Variants in SPTBN5 observed in about 807,000 individuals in gnomAD.
The protein encoded by SPTBN5 is spectrin beta, non-erythrocytic 5.
A neutral mutation model predicts 477.6 loss-of-function variants in SPTBN5; 513 were observed. The observed-to-expected ratio is 1.07, with a 90% confidence interval of 1.00 to 1.16. SPTBN5 has a LOEUF of 1.16. SPTBN5 is among the 50% of genes most tolerant of loss of function. SPTBN5 has a pLI of 0.00. For missense variants in SPTBN5, 5,062 were observed against 4,731.8 expected, an observed-to-expected ratio of 1.07 and a Z score of -2.05; for synonymous variants, 2,169 against 2,011.7, an observed-to-expected ratio of 1.08 and a Z score of -2.09.
At chr15:41,877,422 C>G (rs1249284725) in intron 17 of SPTBN5, 66 bp from the exon 18 acceptor site, 1 of 1,551,172 alleles carries the variant, frequency 6.4e-7, no homozygotes, top group African/African-American at 1.4e-5. Flanking sequence ...CTTCTCCTCT[C>G]ACCTCCAGGG....
At chr15:41,867,205 C>T in intron 35 of SPTBN5, 79 bp from the exon 36 acceptor site, 1 of 1,423,764 alleles carries the variant, frequency 7.0e-7, no homozygotes, top group East Asian at 2.5e-5. Context: ...ACAGTCCTTT[C>T]TTTGAGGGCC....
rs778638478 is a variant in SPTBN5, at chr15:41,867,585, G to A, written c.6265C>T (p.Arg2089Cys). ...SSVEEVEQLIRKHEVFLKVLT... is the reference protein window; with the variant it reads ...SSVEEVEQLICKHEVFLKVLT... ...ACCTTCAGGAAGACCTCGTGCTTGC[G>A]AATCAACTGCTCTACCTCTTCCACC... The change falls in exon 35 of 68, where the codon CGC becomes TGC. Residue 2089 changes from arginine to cysteine, a missense_variant. Physicochemically the swap from Arg to Cys is radical, Grantham distance 180 (BLOSUM62 -3). Coordinates refer to ENST00000320955, the MANE Select transcript of SPTBN5 (RefSeq NM_016642.4). 6.2e-6 allele frequency: 10 copies of A among 1,613,672 alleles called. No individual in the cohort carries two copies. The highest frequency in any genetic ancestry group is 1.6e-4 in the Middle Eastern group (1 of 6,084).
chr15:41,878,669 T>A, intron 16 of SPTBN5, 40 bp from the exon 17 acceptor site: 2 of 1,573,218 alleles, frequency 1.3e-6, no homozygotes, highest in Non-Finnish European at 1.7e-6. Context: ...TGCCCTGTCC[T>A]GGGCCTGGTG....
chr15:41,882,769 T>C (rs1472813134), intron 9 of SPTBN5, 31 bp from the exon 10 acceptor site: 1 of 1,597,252 alleles, frequency 6.3e-7, no homozygotes. Context: ...CCGAAGGACA[T>C]GGGGAGTCGT....
At chr15:41,849,416 G>A (rs185755983) in intron 67 of SPTBN5, among the ~76,000 whole-genome samples, 98 of 152,322 alleles carry the variant, frequency 6.4e-4, no homozygotes, top group African/African-American at 1.9e-3. Context: ...GGTAGAGAAC[G>A]GGTTGGAACA....
chr15:41,891,711 G>C (rs2067318950), intron 3 of SPTBN5, among the ~76,000 whole-genome samples: 1 of 152,188 alleles, frequency 6.6e-6, no homozygotes, highest in South Asian at 2.1e-4. Flanking sequence ...TCTGGGCTTT[G>C]CTTAGTGGAG....
intron 36 of SPTBN5, 52 bp downstream of exon 36, chr15:41,866,901 CTGAAAA>C: frequency 6.7e-7 from 1 of 1,498,810 alleles, no homozygotes; most frequent in Non-Finnish European, 8.9e-7. Context: ...GTGAAGGCGG[CTGAAAA>C]CTGTCGAGTG....
chr15:41,867,726 G>T, intron 34 of SPTBN5, 84 bp from the exon 35 acceptor site: 1 of 1,262,824 alleles, frequency 7.9e-7, no homozygotes, highest in Non-Finnish European at 1.1e-6. Context: ...TGGGCACTCT[G>T]GGTATGGCAG....
rs150882580 is a variant in SPTBN5, at chr15:41,887,541, C to T, written c.660-100G>A. On this transcript the variant is annotated intron_variant, in intron 5 of 67. Coordinates refer to ENST00000320955, the MANE Select transcript of SPTBN5 (RefSeq NM_016642.4). The stretch of plus-strand genomic sequence containing the variant: ...TCATGCTCCTATTGGCCATTCACAT[C>T]TTCTTGTGAATTCGTTTTCCCGACA... The T allele has an allele frequency of 9.2e-4, 873 of 944,896 alleles. 5 individuals are homozygous for T. In the African/African-American group the frequency reaches 0.013, roughly 14 times the overall value. 58.5% of individuals were successfully genotyped at this position (944,896 alleles called of 1,614,324 possible). A position where few individuals can be genotyped will look rare whatever the true frequency, so the allele number is the denominator to read the frequency against.
At position 41,867,012 on chromosome 15, in the gene SPTBN5, G is replaced by C. The variant is rs1191490665; in HGVS notation, c.6427C>G (p.His2143Asp). The C allele has an allele frequency of 3.2e-6, 5 of 1,561,960 alleles. No homozygotes were observed. The highest frequency in any genetic ancestry group is 4.3e-6 in the Non-Finnish European group (5 of 1,153,662). Residue 2143 changes from histidine (H) to aspartate (D), a missense_variant, in exon 36 of 68, where the codon CAC (histidine) becomes GAC (aspartate). By Grantham distance (81) the His-to-Asp change is moderately conservative (BLOSUM62 -1). Transcript: ENST00000320955. ...RVKELAESRG[H>D]ALHASLLMAS... ...ATCAGCAGGGAGGCATGCAGGGCGTGTCCCCGGCTCTCCGCCAGCTCCTTC... is the reference window on the plus strand; with the variant it reads ...ATCAGCAGGGAGGCATGCAGGGCGTCTCCCCGGCTCTCCGCCAGCTCCTTC...
chr15:41,888,202 G>T, intron 4 of SPTBN5, 117 bp from the exon 5 acceptor site: 2 of 1,050,936 alleles, frequency 1.9e-6, no homozygotes, highest in East Asian at 5.2e-5. Context: ...CCTGGCCCGG[G>T]GCCAGTGTGA....
Position 41,869,956 on chromosome 15 carries a change from G to T in SPTBN5, c.5738C>A (p.Ala1913Glu), listed in dbSNP as rs766304996. 6 of 1,547,284 alleles carry T rather than the reference G, an allele frequency of 3.9e-6. No homozygotes were observed. In the East Asian group the frequency reaches 9.5e-5, roughly 25 times the overall value. ...QKLCPGPQAH[A>E]VQQRQQAVTQ... is the part of the protein sequence containing the mutation. ...CACAGCTTGCTGCCTCTGCTGCACC[G>T]CATGGGCCTGAGGCCCCGGACACAG... Residue 1913 changes from alanine (A) to glutamate (E), a missense_variant, in exon 32 of 68, where the codon GCG becomes GAG. Transcript: ENST00000320955.
intron 66 of SPTBN5, 117 bp from the exon 67 acceptor site, chr15:41,850,076 A>G: frequency 1.2e-6 from 1 of 867,326 alleles, no homozygotes; most frequent in Non-Finnish European, 1.9e-6. Flanking sequence ...CAGCCTGGCT[A>G]TGCCAGGCCC....
In SPTBN5 at chr15:41,865,699, C is replaced by T. The variant is rs1595466404; in HGVS notation, c.6918+109G>A. On this transcript the variant is annotated intron_variant, in intron 39 of 67. Coordinates refer to ENST00000320955, the MANE Select transcript of SPTBN5 (RefSeq NM_016642.4). ...AGCCTGCCCGAGGGCATAGGAGGAG[C>T]AGGCATGGCGCCCACGCCCTGCTCT... 3.0e-6 allele frequency: 3 copies of T among 997,906 alleles called. No individual in the cohort carries two copies. In the South Asian group the frequency reaches 4.8e-5, roughly 16 times the overall value. 61.8% of individuals were successfully genotyped at this position (997,906 alleles called of 1,614,324 possible). A position where few individuals can be genotyped will look rare whatever the true frequency, so the allele number is the denominator to read the frequency against.
At position 41,851,774 on chromosome 15, in the gene SPTBN5, C is replaced by G. The variant is rs749170820; in HGVS notation, c.10656+5G>C. On this transcript the variant is annotated splice_donor_5th_base_variant and intron_variant, in intron 63 of 67. Transcript: ENST00000320955. ...TGCCTGGAGAAGGAATCTCCAGGCACTCACCTGCCTCCCGCCAGGCAGCAG... is the reference window on the plus strand; with the variant it reads ...TGCCTGGAGAAGGAATCTCCAGGCAGTCACCTGCCTCCCGCCAGGCAGCAG... The G allele has an allele frequency of 6.2e-7, 1 of 1,606,746 alleles. No homozygotes were observed. Among genetic ancestry groups the G allele is most frequent in the South Asian group, 1.1e-5 (1 of 90,802 alleles).
chr15:41,875,969 A>T, intron 21 of SPTBN5, 145 bp downstream of exon 21: 1 of 1,022,696 alleles, frequency 9.8e-7, no homozygotes, highest in Non-Finnish European at 1.4e-6. Flanking sequence ...TGCCAGCAGC[A>T]TCAAGGAGGC....
chr15:41,877,301 A>C lies in SPTBN5; in HGVS notation c.3526T>G (p.Ser1176Ala), dbSNP rs758381626. Reference protein sequence around the residue: ...QPMAALDCPDSQEVPNTLRVL... With the variant: ...QPMAALDCPDAQEVPNTLRVL... Reference sequence around the variant, plus strand: ...CTCAGAGTGTTGGGCACCTCTTGGGAGTCTGGGCAGTCCAAGGCTGCCATG... The same window carrying C: ...CTCAGAGTGTTGGGCACCTCTTGGGCGTCTGGGCAGTCCAAGGCTGCCATG... Residue 1176 changes from serine to alanine, a missense_variant, in exon 18 of 68, where the codon TCC becomes GCC. Transcript: ENST00000320955. The C allele has an allele frequency of 2.5e-6, 4 of 1,612,726 alleles. No individual in the cohort carries two copies. The East Asian group carries it at 8.9e-5, about 36-fold the overall frequency.
rs908817892 is a variant in SPTBN5, at chr15:41,873,985, G to A, written c.4750C>T (p.Arg1584Trp). The change falls in exon 25 of 68, where the codon CGG becomes TGG. Residue 1584 changes from arginine to tryptophan, a missense_variant. By Grantham distance (101) the Arg-to-Trp change is moderately radical. Transcript: ENST00000320955. ...GQVQRVLSSG[R>W]SLAASGHPQA... The stretch of plus-strand genomic sequence containing the variant: ...GGGTGCCCTGAGGCTGCCAGGCTCC[G>A]CCCAGAACTCAGCACCCGTTGCACC... 4.9e-5 allele frequency: 78 copies of A among 1,605,364 alleles called. No homozygotes were observed. Among genetic ancestry groups the A allele is most frequent in the Middle Eastern group, 1.7e-4 (1 of 6,060 alleles).
chr15:41,867,010 G>C lies in SPTBN5; in HGVS notation c.6429C>G (p.His2143Gln), dbSNP rs1245856818. Reference protein sequence around the residue: ...RVKELAESRGHALHASLLMAS... With the variant: ...RVKELAESRGQALHASLLMAS... The stretch of plus-strand genomic sequence containing the variant: ...CCATCAGCAGGGAGGCATGCAGGGC[G>C]TGTCCCCGGCTCTCCGCCAGCTCCT... The change falls in exon 36 of 68, where the codon CAC becomes CAG. Residue 2143 changes from histidine to glutamine, a missense_variant. Coordinates refer to ENST00000320955, the MANE Select transcript of SPTBN5 (RefSeq NM_016642.4). The C allele has an allele frequency of 7.7e-6, 12 of 1,562,588 alleles. No individual in the cohort carries two copies. Among genetic ancestry groups the C allele is most frequent in the Non-Finnish European group, 1.0e-5 (12 of 1,154,000 alleles).
Sources: gnomAD v4.1 joint callset for allele counts (sites outside exome capture counted in the v4.1 genomes callset) on GRCh38, gnomAD v4.1.1 for gene constraint, MANE v1.5 for transcripts, NCBI Gene and HGNC (gene_info 2026-07-23, HGNC 2026-07-21) for gene names.